The following VHL variants were observed in gnomAD, a reference collection of about 807,000 sequenced individuals.
The protein encoded by VHL is von Hippel-Lindau tumor suppressor.
A neutral mutation model predicts 19.2 loss-of-function variants in VHL; 10 were observed. The observed-to-expected ratio is 0.52, with a 90% CI of 0.32 to 0.89. The LOEUF is 0.89. Among genes scored for constraint, VHL ranks in the 40% least tolerant of loss-of-function variants. The pLI is 0.03. For missense variants in VHL, 328 were observed against 292.7 expected (o/e 1.12, Z -0.88); for synonymous variants, 167 against 129.5 (o/e 1.29, Z -1.97).
rs1340164546 is a variant in VHL, at chr3:10,141,952, C to CGAGGAGTCCGGCCCG, written c.108_122dup (p.Ser43_Glu47dup). 1 of 1,544,916 alleles carries CGAGGAGTCCGGCCCG rather than the reference C, an allele frequency of 6.5e-7. No homozygotes were observed. The highest frequency in any genetic ancestry group is 8.7e-7 in the Non-Finnish European group (1 of 1,144,204). ...AAGACGGCGGGGAGGAGTCGGGCGCCGAGGAGTCCGGCCCGGAAGAGTCCG... is the reference window on the plus strand; with the variant it reads ...AAGACGGCGGGGAGGAGTCGGGCGCCGAGGAGTCCGGCCCGGAGGAGTCCGGCCCGGAAGAGTCCG... On this transcript the variant is annotated inframe_insertion, in exon 1 of 3. Transcript: ENST00000256474.
In VHL at chr3:10,146,577, T is replaced by C; in HGVS notation, c.404T>C (p.Leu135Ser). ...GGGCTTCTGGTTAACCAAACTGAAT[T>C]ATTTGTGCCATCTCTCAATGTTGAC... ...HDGLLVNQTELFVPSLNVDGQ... is the reference protein window; with the variant it reads ...HDGLLVNQTESFVPSLNVDGQ... Residue 135 changes from leucine to serine, a missense_variant, in exon 2 of 3, where the codon TTA (leucine) becomes TCA (serine). Physicochemically the swap from Leu to Ser is moderately radical, Grantham distance 145. Coordinates refer to ENST00000256474, the MANE Select transcript of VHL (RefSeq NM_000551.4). 6.2e-7 allele frequency: 1 copy of C among 1,614,040 alleles called. No homozygotes were observed. The highest frequency in any genetic ancestry group is 8.5e-7 in the Non-Finnish European group (1 of 1,179,956).
At chr3:10,148,315 C>CTTTTTT (rs71307724) in intron 2 of VHL, among the ~76,000 whole-genome samples, 13 of 125,488 alleles carry the variant, frequency 1.0e-4, no homozygotes, top group South Asian at 9.6e-4. Flanking sequence ...ACTAGATTTT[C>CTTTTTT]TTTTTTTTTT....
At position 10,152,571 on chromosome 3, in the gene VHL, C is replaced by T. The variant is rs535008866; in HGVS notation, c.*2606C>T. 4.8e-4 allele frequency among the ~76,000 whole-genome samples: 64 copies of T among 133,966 alleles called. No homozygotes were observed. The highest frequency in any genetic ancestry group is 8.2e-4 in the Non-Finnish European group (53 of 64,458). The allele number at this position is 133,966 out of a possible 152,430, so 87.9% of individuals were successfully genotyped here. On this transcript the variant is annotated 3_prime_UTR_variant, in exon 3 of 3. Transcript: ENST00000256474. ...GCAGTGGTGCGATCTCTGCTCACTA[C>T]AAGCTCTGCCTCCCGAGTTCAAGTG...
chr3:10,143,429 C>T (rs1045340821), intron 1 of VHL, among the ~76,000 whole-genome samples: 5 of 151,974 alleles, frequency 3.3e-5, no homozygotes, highest in Admixed American at 1.3e-4. Flanking sequence ...GCGCCCAGCC[C>T]TTTGAAAGTT....
Position 10,153,458 on chromosome 3 carries a change from AC to A in VHL, c.*3494del, listed in dbSNP as rs1696469268. Among the ~76,000 whole-genome samples the A allele has an allele frequency of 3.3e-5, 5 of 152,000 alleles. No individual in the cohort carries two copies. The highest frequency in any genetic ancestry group is 4.4e-5 in the Non-Finnish European group (3 of 67,996). The stretch of plus-strand genomic sequence containing the variant: ...AAGAAACCAAAAAAACAAAAAAAAA[AC>A]ATGCCGTTTGAGTACTGTGTTTTTG... On this transcript the variant is annotated 3_prime_UTR_variant, in exon 3 of 3. Transcript: ENST00000256474.
At chr3:10,144,496 C>CTTTTTTT (rs34512214) in intron 1 of VHL, among the ~76,000 whole-genome samples, 3,225 of 116,416 alleles carry the variant, frequency 0.028, 159 homozygotes, top group African/African-American at 0.043. Context: ...TCTATCTTGT[C>CTTTTTTT]TTTTTTTTTT....
chr3:10,148,616 G>T (rs1349743113), intron 2 of VHL, among the ~76,000 whole-genome samples: 1 of 149,974 alleles, frequency 6.7e-6, no homozygotes, highest in Non-Finnish European at 1.5e-5. Flanking sequence ...GCCCGGCCTA[G>T]ATTTTCTAAG....
chr3:10,149,093 T>C (rs1696336525), intron 2 of VHL, among the ~76,000 whole-genome samples: 1 of 134,254 alleles, frequency 7.4e-6, no homozygotes, highest in Non-Finnish European at 1.6e-5. Flanking sequence ...GGCCTGTCCC[T>C]CTTTTTTTTT....
chr3:10,146,416 C>G, intron 1 of VHL, 98 bp from the exon 2 acceptor site: 2 of 1,525,844 alleles, frequency 1.3e-6, no homozygotes, highest in Non-Finnish European at 1.8e-6. Flanking sequence ...CCTCATGATC[C>G]GCCTGCCTCG....
rs1696377775 is a variant in VHL at position 10,150,284 on chromosome 3, A to G, written c.*319A>G. On this transcript the variant is annotated 3_prime_UTR_variant, in exon 3 of 3. Transcript: ENST00000256474. ...GTATAAGTAATTCAGTGGGAATTGC[A>G]GCATATCGTTTAATTTTAAGAAGGC... The G allele has an allele frequency of 1.6e-6, 2 of 1,283,824 alleles. No individual in the cohort carries two copies. The highest frequency in any genetic ancestry group is 1.6e-5 in the South Asian group (1 of 63,016). The allele number at this position is 1,283,824 out of a possible 1,614,324, so 79.5% of individuals were successfully genotyped here.
intron 1 of VHL, among the ~76,000 whole-genome samples, chr3:10,143,669 C>G (rs1696183394): frequency 6.6e-6 from 1 of 151,918 alleles, no homozygotes; most frequent in South Asian, 2.1e-4. Context: ...GGATGGTCTC[C>G]ATCTCCTGCG....
rs542946144 is a variant in VHL, at chr3:10,152,837, A to T, written c.*2872A>T. Among the ~76,000 whole-genome samples, 7 of 152,012 alleles carry T rather than the reference A, an allele frequency of 4.6e-5. No homozygotes were observed. Among genetic ancestry groups the T allele is most frequent in the African/African-American group, 1.7e-4 (7 of 41,502 alleles). On this transcript the variant is annotated 3_prime_UTR_variant, in exon 3 of 3. Coordinates refer to ENST00000256474, the MANE Select transcript of VHL (RefSeq NM_000551.4). ...TGTCTTTGTGTCAAAATGATAGTTC[A>T]TGCTCCTCTTGTTAAAACCTGCAGG...
intron 1 of VHL, among the ~76,000 whole-genome samples, chr3:10,144,813 G>A (rs985627491): frequency 2.6e-5 from 4 of 151,972 alleles, no homozygotes; most frequent in Middle Eastern, 6.8e-3. Flanking sequence ...ACAACGTGCA[G>A]GTTTGTTACA....
rs28940300 is a variant in VHL, at chr3:10,149,897, C to G, written c.574C>G (p.Pro192Ala). 1 of 1,614,118 alleles carries G rather than the reference C, an allele frequency of 6.2e-7. No homozygotes were observed. The highest frequency in any genetic ancestry group is 1.1e-5 in the South Asian group (1 of 91,070). Residue 192 changes from proline (P) to alanine (A), a missense_variant, in exon 3 of 3, where the codon CCA becomes GCA. By Grantham distance (27) the Pro-to-Ala change is conservative (BLOSUM62 -1). Transcript: ENST00000256474. ...GCTCTACGAAGATCTGGAAGACCAC[C>G]CAAATGTGCAGAAAGACCTGGAGCG... is the stretch of plus-strand genomic sequence containing the variant. ...RSLYEDLEDH[P>A]NVQKDLERLT...
At position 10,150,160 on chromosome 3, in the gene VHL, G is replaced by A; in HGVS notation, c.*195G>A. The A allele has an allele frequency of 6.9e-7, 1 of 1,448,736 alleles. No homozygotes were observed. The highest frequency in any genetic ancestry group is 9.1e-7 in the Non-Finnish European group (1 of 1,102,126). The allele number at this position is 1,448,736 out of a possible 1,614,324, so 89.7% of individuals were successfully genotyped here. A position where few individuals can be genotyped will look rare whatever the true frequency, so the allele number is the denominator to read the frequency against. On this transcript the variant is annotated 3_prime_UTR_variant, in exon 3 of 3. Transcript: ENST00000256474. ...TGTTTAGGGGCAAACATCACAAAAT[G>A]TAATTTAATGCCTGCCCATTAGAGA...
intron 1 of VHL, among the ~76,000 whole-genome samples, chr3:10,145,705 CAAAAA>C (rs35732631): frequency 5.2e-5 from 7 of 133,774 alleles, no homozygotes; most frequent in Admixed American, 1.5e-4. Flanking sequence ...GACTGCATCT[CAAAAA>C]AAAAAAAAAG....
chr3:10,144,514 T>TTTTTTG (rs1696206765), intron 1 of VHL, among the ~76,000 whole-genome samples: 1 of 148,680 alleles, frequency 6.7e-6, no homozygotes, highest in Non-Finnish European at 1.5e-5. Context: ...TTTTTTTTTT[T>TTTTTTG]GAGACAGGAT....
chr3:10,149,237 C>G (rs1327073793), intron 2 of VHL, among the ~76,000 whole-genome samples: 3 of 151,716 alleles, frequency 2.0e-5, no homozygotes, highest in South Asian at 2.1e-4. Context: ...CTCAGCCTCC[C>G]CAGTCGCTGG....
intron 1 of VHL, chr3:10,142,481 G>T: frequency 2.3e-6 from 1 of 443,756 alleles, no homozygotes; most frequent in Non-Finnish European, 4.0e-6. Flanking sequence ...GAGTAGCTGG[G>T]ATTACAGGCG....
Sources: gnomAD v4.1 joint callset for allele counts (sites outside exome capture counted in the v4.1 genomes callset) on GRCh38, gnomAD v4.1.1 for gene constraint, MANE v1.5 for transcripts, NCBI Gene and HGNC (gene_info 2026-07-23, HGNC 2026-07-21) for gene names.